The following GNL1 variants were observed in gnomAD, a reference collection of about 807,000 sequenced individuals.
GNL1 encodes the protein guanine nucleotide-binding protein-like 1.
Under a neutral mutation model 75.2 loss-of-function variants are expected in GNL1, and 21 were observed. The observed-to-expected ratio is 0.28, with a 90% CI of 0.20 to 0.40. GNL1 has a LOEUF of 0.40. Ranked by LOEUF, GNL1 falls within the 10% of genes least tolerant of loss-of-function variation. The probability of loss-of-function intolerance (pLI) is 1.00; values close to 1 mark genes in which losing one functional copy is unlikely to be tolerated. For synonymous variants in GNL1, 287 were observed against 303.4 expected (o/e 0.95, Z 0.56); for missense variants, 579 against 775.0 (o/e 0.75, Z 3.00).
chr6:30,556,034 CCCCCTCCCACGAT>C lies in GNL1; in HGVS notation c.73+84_73+96del. 1 of 1,457,690 alleles carries C rather than the reference CCCCCTCCCACGAT, an allele frequency of 6.9e-7. No individual in the cohort carries two copies. Among genetic ancestry groups the C allele is most frequent in the Non-Finnish European group, 9.5e-7 (1 of 1,056,558 alleles). 90.3% of individuals were successfully genotyped at this position (1,457,690 alleles called of 1,614,324 possible). Reference sequence around the variant, plus strand: ...CGCGAGGGTTGACGCGGTCCCACGACCCCCTCCCACGATCCCCAGAGGTGCAGCGGGCACACCC... The same window carrying C: ...CGCGAGGGTTGACGCGGTCCCACGACCCCCAGAGGTGCAGCGGGCACACCC... On this transcript the variant is annotated intron_variant, in intron 1 of 11. Coordinates refer to ENST00000376621, the MANE Select transcript of GNL1 (RefSeq NM_005275.5). This position sits in a 1 kb window ranked among gnomAD's most constrained non-coding sequence, Gnocchi z 5.7.
At position 30,555,881 on chromosome 6, in the gene GNL1, G is replaced by A. The variant is rs1216447405; in HGVS notation, c.74-161C>T. 1.2e-6 allele frequency: 1 copy of A among 845,064 alleles called. No homozygotes were observed. The highest frequency in any genetic ancestry group is 2.7e-5 in the East Asian group (1 of 37,598). The allele number at this position is 845,064 out of a possible 1,614,324, so 52.3% of individuals were successfully genotyped here. On this transcript the variant is annotated intron_variant, in intron 1 of 11. Transcript: ENST00000376621. The surrounding 1 kb of genome is among the most constrained non-coding windows in gnomAD (Gnocchi z 4.3). ...ACCCTCCCGGATGTGCGTGGGGGGA[G>A]TCACTCCTTCAGGGAGCAGTGGGGA...
Position 30,546,017 on chromosome 6 carries a change from C to T in GNL1, c.*55G>A. 6 of 1,286,954 alleles carry T rather than the reference C, an allele frequency of 4.7e-6. No individual in the cohort carries two copies. The highest frequency in any genetic ancestry group is 1.9e-5 in the Admixed American group (1 of 51,310). The allele number at this position is 1,286,954 out of a possible 1,614,324, so 79.7% of individuals were successfully genotyped here. The stretch of plus-strand genomic sequence containing the variant: ...TGGGGTGGCAGAGGGGAGATACCCC[C>T]AGGTCAGTCCAAAAGCAAAGATACT... On this transcript the variant is annotated 3_prime_UTR_variant, in exon 12 of 12. Transcript: ENST00000376621. The surrounding 1 kb of genome is among the most constrained non-coding windows in gnomAD (Gnocchi z 5.1).
At chr6:30,554,040 G>A (rs375769176) in intron 5 of GNL1, among the ~76,000 whole-genome samples, 33 of 152,224 alleles carry the variant, frequency 2.2e-4, no homozygotes, top group African/African-American at 7.2e-4. Context: ...GTGTGAGTAT[G>A]TGTGTGTACA....
Position 30,547,992 on chromosome 6 carries a change from A to G in GNL1, c.1100-462T>C, listed in dbSNP as rs977517704. On this transcript the variant is annotated intron_variant, in intron 8 of 11. Transcript: ENST00000376621. This position sits in a 1 kb window ranked among gnomAD's most constrained non-coding sequence, Gnocchi z 5.5. ...GGACTTCAAGACCAGCCTGGCCAACATGGTGAAACCCCATCTCTACTAAAA... is the reference window on the plus strand; with the variant it reads ...GGACTTCAAGACCAGCCTGGCCAACGTGGTGAAACCCCATCTCTACTAAAA... 3.2e-4 allele frequency among the ~76,000 whole-genome samples: 48 copies of G among 152,280 alleles called. No homozygotes were observed. Among genetic ancestry groups the G allele is most frequent in the Admixed American group, 3.1e-3 (48 of 15,294 alleles).
chr6:30,553,720 A>AG (rs1279991627), intron 5 of GNL1, among the ~76,000 whole-genome samples, 163 bp from the exon 6 acceptor site: 2 of 152,168 alleles, frequency 1.3e-5, no homozygotes, highest in Non-Finnish European at 2.9e-5. Context: ...AAGACAAAAC[A>AG]GGGGTTAGTA....
In GNL1 at chr6:30,555,195, AG is replaced by A; in HGVS notation, c.240-5del. On this transcript the variant is annotated splice_polypyrimidine_tract_variant and splice_region_variant and intron_variant, in intron 2 of 11. Coordinates refer to ENST00000376621, the MANE Select transcript of GNL1 (RefSeq NM_005275.5). This position sits in a 1 kb window ranked among gnomAD's most constrained non-coding sequence, Gnocchi z 4.3. ...TCTCTCAAAATGCAGTCGGTATCTA[AG>A]GGAACAGGGACCGAGACATCCAGAG... 6.2e-7 allele frequency: 1 copy of A among 1,613,032 alleles called. No individual in the cohort carries two copies. The highest frequency in any genetic ancestry group is 1.3e-5 in the African/African-American group (1 of 75,036).
Position 30,552,308 on chromosome 6 carries a change from T to C in GNL1, c.1099+159A>G, listed in dbSNP as rs1799832410. ...ACTCAGGCTGTCATGATCCTTCCAC[T>C]GCAGCAGACGCCTCTTCTGCCTTGC... On this transcript the variant is annotated intron_variant, in intron 8 of 11. Coordinates refer to ENST00000376621, the MANE Select transcript of GNL1 (RefSeq NM_005275.5). This position sits in a 1 kb window ranked among gnomAD's most constrained non-coding sequence, Gnocchi z 4.5. 5 of 579,170 alleles carry C rather than the reference T, an allele frequency of 8.6e-6. No homozygotes were observed. Among genetic ancestry groups the C allele is most frequent in the Non-Finnish European group, 1.5e-5 (5 of 324,508 alleles). 35.9% of individuals were successfully genotyped at this position (579,170 alleles called of 1,614,324 possible). A position where few individuals can be genotyped will look rare whatever the true frequency, so the allele number is the denominator to read the frequency against.
rs1485180016 is a variant in GNL1, at chr6:30,555,414, C to T, written c.239+141G>A. 6.0e-6 allele frequency: 6 copies of T among 996,670 alleles called. No individual in the cohort carries two copies. The East Asian group carries it at 1.2e-4, about 20-fold the overall frequency. 61.7% of individuals were successfully genotyped at this position (996,670 alleles called of 1,614,324 possible). ...CCCTCTGGAAAGGAAGACTGTGGCC[C>T]GCTGTGGGGAGCCGAGTGGCTAGCG... On this transcript the variant is annotated intron_variant, in intron 2 of 11. Coordinates refer to ENST00000376621, the MANE Select transcript of GNL1 (RefSeq NM_005275.5). The surrounding 1 kb of genome is among the most constrained non-coding windows in gnomAD (Gnocchi z 4.3).
At position 30,545,435 on chromosome 6, in the gene GNL1, C is replaced by T. The variant is rs535574480; in HGVS notation, c.*637G>A. The T allele has an allele frequency of 6.6e-6, 1 of 152,330 alleles. No homozygotes were observed. Among genetic ancestry groups the T allele is most frequent in the African/African-American group, 2.4e-5 (1 of 41,570 alleles). The allele number at this position is 152,330 out of a possible 1,614,324, so 9.4% of individuals were successfully genotyped here. A position where few individuals can be genotyped will look rare whatever the true frequency, so the allele number is the denominator to read the frequency against. The stretch of plus-strand genomic sequence containing the variant: ...TCATTCACCCTTCTTAATCCAAAAA[C>T]TTGGGTGCCTGAAGGTGGGGTTTTG... On this transcript the variant is annotated 3_prime_UTR_variant, in exon 12 of 12. Transcript: ENST00000376621.
chr6:30,546,082 T>C lies in GNL1; in HGVS notation c.1814A>G (p.Asp605Gly), dbSNP rs767413094. 4 of 1,591,314 alleles carry C rather than the reference T, an allele frequency of 2.5e-6. No homozygotes were observed. The East Asian group carries it at 9.1e-5, about 36-fold the overall frequency. ...CGCTGGGCGAGGAACTCAGCACTCA[T>C]CCTCACCCAGCAGGGCATAAGGGTT... ...GRNPYALLGE[D>G]EC Residue 605 changes from aspartate to glycine, a missense_variant, in exon 12 of 12, where the codon GAT becomes GGT. Transcript: ENST00000376621. The surrounding 1 kb of genome is among the most constrained non-coding windows in gnomAD (Gnocchi z 5.1).
chr6:30,556,142 T>C lies in GNL1; in HGVS notation c.62A>G (p.Glu21Gly). Residue 21 changes from glutamate (E) to glycine (G), a missense_variant, in exon 1 of 12, where the codon GAG becomes GGG. By Grantham distance (98) the Glu-to-Gly change is moderately conservative (BLOSUM62 -2). Coordinates refer to ENST00000376621, the MANE Select transcript of GNL1 (RefSeq NM_005275.5). The surrounding 1 kb of genome is among the most constrained non-coding windows in gnomAD (Gnocchi z 5.7). ...QKKKQLQDKR[E>G]RKRGLQDGLR... Reference sequence around the variant, plus strand: ...GCTCCCGCACTGACCTCTCTTCCGCTCCCGTTTGTCCTGCAACTGCTTCTT... The same window carrying C: ...GCTCCCGCACTGACCTCTCTTCCGCCCCCGTTTGTCCTGCAACTGCTTCTT... 3 of 1,603,224 alleles carry C rather than the reference T, an allele frequency of 1.9e-6. No homozygotes were observed. The highest frequency in any genetic ancestry group is 1.7e-6 in the Non-Finnish European group (2 of 1,177,946).
In GNL1 at chr6:30,543,964, T is replaced by C. The variant is rs1456972420; in HGVS notation, c.*2108A>G. On this transcript the variant is annotated 3_prime_UTR_variant, in exon 12 of 12. Transcript: ENST00000376621. ...CCTCCATGGTCAAGTATTCACATAGTAGACATGACCCAGACAAGAGGGTGC... is the reference window on the plus strand; with the variant it reads ...CCTCCATGGTCAAGTATTCACATAGCAGACATGACCCAGACAAGAGGGTGC... The C allele has an allele frequency of 6.6e-6, 1 of 152,142 alleles. No individual in the cohort carries two copies. The highest frequency in any genetic ancestry group is 1.5e-5 in the Non-Finnish European group (1 of 68,026). The allele number at this position is 152,142 out of a possible 1,614,324, so 9.4% of individuals were successfully genotyped here. A position where few individuals can be genotyped will look rare whatever the true frequency, so the allele number is the denominator to read the frequency against.
chr6:30,546,744 C>T lies in GNL1; in HGVS notation c.1534G>A (p.Gly512Ser), dbSNP rs780287320. The T allele has an allele frequency of 2.5e-6, 4 of 1,609,576 alleles. No homozygotes were observed. Among genetic ancestry groups the T allele is most frequent in the South Asian group, 1.1e-5 (1 of 91,024 alleles). ...GGATGAAAACACAGGCTGAGGCGGCCGTCCACTGCCAGCCGCAAGAGACTG... is the reference window on the plus strand; with the variant it reads ...GGATGAAAACACAGGCTGAGGCGGCTGTCCACTGCCAGCCGCAAGAGACTG... ...ANSLLRLAVD[G>S]RLSLCFHPPG... The change falls in exon 11 of 12, where the codon GGC (glycine) becomes AGC (serine). Residue 512 changes from glycine to serine, a missense_variant. By Grantham distance (56) the Gly-to-Ser change is moderately conservative (BLOSUM62 0). Coordinates refer to ENST00000376621, the MANE Select transcript of GNL1 (RefSeq NM_005275.5). This position sits in a 1 kb window ranked among gnomAD's most constrained non-coding sequence, Gnocchi z 5.1.
In GNL1 at chr6:30,544,172, AC is replaced by A. The variant is rs1453388323; in HGVS notation, c.*1899del. 1 of 152,036 alleles carries A rather than the reference AC, an allele frequency of 6.6e-6. No homozygotes were observed. Among genetic ancestry groups the A allele is most frequent in the African/African-American group, 2.4e-5 (1 of 41,348 alleles). The allele number at this position is 152,036 out of a possible 1,614,324, so 9.4% of individuals were successfully genotyped here. A position where few individuals can be genotyped will look rare whatever the true frequency, so the allele number is the denominator to read the frequency against. On this transcript the variant is annotated 3_prime_UTR_variant, in exon 12 of 12. Coordinates refer to ENST00000376621, the MANE Select transcript of GNL1 (RefSeq NM_005275.5). ...GTCATGGAAGAGGTTTTACAGTCTA[AC>A]CCTGTGGGGGTGTCAGGAGTTGCCT...
rs1385006021 is a variant in GNL1 at position 30,545,452 on chromosome 6, G to A, written c.*620C>T. 1 of 152,208 alleles carries A rather than the reference G, an allele frequency of 6.6e-6. No individual in the cohort carries two copies. The highest frequency in any genetic ancestry group is 2.4e-5 in the African/African-American group (1 of 41,448). The allele number at this position is 152,208 out of a possible 1,614,324, so 9.4% of individuals were successfully genotyped here. ...TCCAAAAACTTGGGTGCCTGAAGGT[G>A]GGGTTTTGATCATGGCCAGGCTTCA... On this transcript the variant is annotated 3_prime_UTR_variant, in exon 12 of 12. Coordinates refer to ENST00000376621, the MANE Select transcript of GNL1 (RefSeq NM_005275.5).
At position 30,552,731 on chromosome 6, in the gene GNL1, C is replaced by CAT; in HGVS notation, c.905-71_905-70insAT. The CAT allele has an allele frequency of 1.4e-6, 2 of 1,390,142 alleles. No individual in the cohort carries two copies. The highest frequency in any genetic ancestry group is 2.0e-6 in the Non-Finnish European group (2 of 1,005,830). 86.1% of individuals were successfully genotyped at this position (1,390,142 alleles called of 1,614,324 possible). A position where few individuals can be genotyped will look rare whatever the true frequency, so the allele number is the denominator to read the frequency against. ...CTGTGCATGATGGCACATACTGTGC[C>CAT]CTGCACAGATTATGTAACTGGCACC... On this transcript the variant is annotated intron_variant, in intron 7 of 11. Transcript: ENST00000376621. The surrounding 1 kb of genome is among the most constrained non-coding windows in gnomAD (Gnocchi z 4.5).
rs770643300 is a variant in GNL1, at chr6:30,547,451, G to A, written c.1179C>T (p.Gly393=). The change falls in exon 9 of 12, where the codon GGC becomes GGT. Residue 393 remains glycine, a synonymous_variant. Coordinates refer to ENST00000376621, the MANE Select transcript of GNL1 (RefSeq NM_005275.5). This position sits in a 1 kb window ranked among gnomAD's most constrained non-coding sequence, Gnocchi z 5.5. Reference sequence around the variant, plus strand: ...AGTAGGTCTGAAAGTATCGGGTATGGCCCGGGGTTCTGGAGACACTCACGA... The same window carrying A: ...AGTAGGTCTGAAAGTATCGGGTATGACCCGGGGTTCTGGAGACACTCACGA... The part of the protein sequence containing the change: ...RKVVSVSRTP[G]HTRYFQTYFL... The A allele has an allele frequency of 2.5e-6, 4 of 1,613,970 alleles. No homozygotes were observed. The highest frequency in any genetic ancestry group is 1.7e-5 in the Admixed American group (1 of 59,992).
In GNL1 at chr6:30,549,821, A is replaced by G. The variant is rs576737964; in HGVS notation, c.1100-2291T>C. Among the ~76,000 whole-genome samples the G allele has an allele frequency of 1.8e-3, 244 of 136,132 alleles. 1 individual carries two copies. Among genetic ancestry groups the G allele is most frequent in the African/African-American group, 5.6e-3 (200 of 35,528 alleles). 89.3% of individuals were successfully genotyped at this position (136,132 alleles called of 152,430 possible). A position where few individuals can be genotyped will look rare whatever the true frequency, so the allele number is the denominator to read the frequency against. Reference sequence around the variant, plus strand: ...TCTCTCCTACATCTCATCCAATTCCATGGCTTTTTTTTTTTTTTTTTTGAC... The same window carrying G: ...TCTCTCCTACATCTCATCCAATTCCGTGGCTTTTTTTTTTTTTTTTTTGAC... On this transcript the variant is annotated intron_variant, in intron 8 of 11. Coordinates refer to ENST00000376621, the MANE Select transcript of GNL1 (RefSeq NM_005275.5).
chr6:30,546,603 G>A lies in GNL1; in HGVS notation c.1582+93C>T, dbSNP rs576236000. The A allele has an allele frequency of 9.6e-7, 1 of 1,043,118 alleles. No individual in the cohort carries two copies. The highest frequency in any genetic ancestry group is 1.6e-5 in the African/African-American group (1 of 62,528). 64.6% of individuals were successfully genotyped at this position (1,043,118 alleles called of 1,614,324 possible). A position where few individuals can be genotyped will look rare whatever the true frequency, so the allele number is the denominator to read the frequency against. ...GTAACAGAGCTAGCCAACAGGTACA[G>A]AATCCAGGTTTGACCCTCTCTCTGG... On this transcript the variant is annotated intron_variant, in intron 11 of 11. Transcript: ENST00000376621. This position sits in a 1 kb window ranked among gnomAD's most constrained non-coding sequence, Gnocchi z 5.1.
Sources: allele counts gnomAD v4.1 joint callset (sites outside exome capture counted in the v4.1 genomes callset), GRCh38; gene constraint gnomAD v4.1.1; non-coding constraint Gnocchi (gnomAD v3.1); transcripts MANE v1.5; gene names NCBI Gene and HGNC (gene_info 2026-07-23, HGNC 2026-07-21).